FBXL17: variants seen among roughly 807,000 people sequenced by gnomAD.
FBXL17 encodes the protein F-box and leucine rich repeat protein 17, also known as F-box/LRR-repeat protein 17.
In FBXL17, 22 loss-of-function variants were observed where a neutral mutation model predicts 66.2. The observed-to-expected ratio is 0.33, with a 90% CI of 0.24 to 0.47. The LOEUF (loss-of-function observed/expected upper bound fraction) is 0.47. Among genes scored for constraint, FBXL17 ranks in the 20% least tolerant of loss-of-function variants. FBXL17 has a pLI of 1.00. For missense variants in FBXL17, 878 were observed against 948.2 expected (o/e 0.93, Z 0.97); for synonymous variants, 474 against 400.5 (o/e 1.18, Z -2.19).
intron 4 of FBXL17, among the ~76,000 whole-genome samples, chr5:108,301,594 A>C (rs972662583): frequency 1.3e-5 from 2 of 151,828 alleles, no homozygotes; most frequent in Non-Finnish European, 2.9e-5. Context: ...TTTAAATTGC[A>C]GTACCATAGG....
intron 7 of FBXL17, among the ~76,000 whole-genome samples, chr5:107,968,130 A>C (rs2112643068): frequency 6.6e-6 from 1 of 152,270 alleles, no homozygotes; most frequent in Non-Finnish European, 1.5e-5. Flanking sequence ...ATAGAGTAAC[A>C]AGGGCAACAG....
chr5:108,000,475 G>C (rs1255471983), intron 7 of FBXL17, among the ~76,000 whole-genome samples: 1 of 152,178 alleles, frequency 6.6e-6, no homozygotes, highest in East Asian at 1.9e-4. Context: ...GGAAAATCCA[G>C]TCTGTTCTTT....
chr5:108,242,934 A>G (rs879416826), intron 4 of FBXL17, among the ~76,000 whole-genome samples: 5 of 152,198 alleles, frequency 3.3e-5, no homozygotes, highest in Non-Finnish European at 7.4e-5. Context: ...AAATTTTACC[A>G]CAGCTTTATA....
At chr5:108,132,071 G>C (rs1750956958) in intron 6 of FBXL17, among the ~76,000 whole-genome samples, 1 of 151,714 alleles carries the variant, frequency 6.6e-6, no homozygotes, top group South Asian at 2.1e-4. Flanking sequence ...CCGCCTCCCA[G>C]GTTCAAGCGA....
chr5:107,997,815 C>G (rs1343756824), intron 7 of FBXL17, among the ~76,000 whole-genome samples: 1 of 152,184 alleles, frequency 6.6e-6, no homozygotes, highest in Non-Finnish European at 1.5e-5. Flanking sequence ...AATCAACACC[C>G]TGAGTCACTA....
At chr5:107,878,937 G>A in intron 8 of FBXL17, 10 of 985,450 alleles carry the variant, frequency 1.0e-5, no homozygotes, top group Non-Finnish European at 1.1e-5. Flanking sequence ...GTGGCTCTCT[G>A]GTTAGAGAAA....
Position 108,072,624 on chromosome 5 carries a change from C to T in FBXL17, c.1746-51623G>A, listed in dbSNP as rs564315277. ...TTGGGAGGTTGAGGCAGGAGAAGGGCGTGAACCCGGGAGGCGGAGCTTACA... is the reference window on the plus strand; with the variant it reads ...TTGGGAGGTTGAGGCAGGAGAAGGGTGTGAACCCGGGAGGCGGAGCTTACA... On this transcript the variant is annotated intron_variant, in intron 6 of 8. Transcript: ENST00000542267. 2.2e-4 allele frequency among the ~76,000 whole-genome samples: 33 copies of T among 152,260 alleles called. No individual in the cohort carries two copies. The South Asian group carries it at 3.7e-3, about 17-fold the overall frequency.
intron 8 of FBXL17, among the ~76,000 whole-genome samples, chr5:107,864,578 G>A (rs944575461): frequency 2.0e-5 from 3 of 152,104 alleles, no homozygotes; most frequent in African/African-American, 7.2e-5. Context: ...GGTTCATGGG[G>A]GTCTGCCCAT....
chr5:107,949,031 T>C (rs1356081412), intron 7 of FBXL17, among the ~76,000 whole-genome samples: 1 of 152,178 alleles, frequency 6.6e-6, no homozygotes, highest in African/African-American at 2.4e-5. Flanking sequence ...AGTAACTATA[T>C]GAAGTCTTGC....
chr5:108,095,765 CAG>C (rs1280056269), intron 6 of FBXL17, among the ~76,000 whole-genome samples: 3 of 152,058 alleles, frequency 2.0e-5, no homozygotes, highest in African/African-American at 4.8e-5. Flanking sequence ...GCATCATTCA[CAG>C]AGTTTTCAAC....
chr5:108,352,827 T>C (rs149266305), intron 3 of FBXL17, among the ~76,000 whole-genome samples: 100 of 151,460 alleles, frequency 6.6e-4, no homozygotes, highest in South Asian at 2.1e-3. Flanking sequence ...TTCTTCTAAA[T>C]AAAAAATTAT....
At chr5:107,890,005 C>A (rs909132509) in intron 7 of FBXL17, among the ~76,000 whole-genome samples, 1 of 151,996 alleles carries the variant, frequency 6.6e-6, no homozygotes, top group Non-Finnish European at 1.5e-5. Context: ...GTTAGGTTCC[C>A]CTGACAATCC....
chr5:108,118,307 A>G (rs1014428408), intron 6 of FBXL17, among the ~76,000 whole-genome samples: 1 of 152,134 alleles, frequency 6.6e-6, no homozygotes, highest in Non-Finnish European at 1.5e-5. Flanking sequence ...AATAACTTCA[A>G]ATTCAACATG....
At chr5:108,055,440 C>G (rs950549207) in intron 6 of FBXL17, among the ~76,000 whole-genome samples, 1 of 150,768 alleles carries the variant, frequency 6.6e-6, no homozygotes, top group African/African-American at 2.4e-5. Flanking sequence ...AACTCCGTCT[C>G]TACTAACAAA....
chr5:108,237,675 A>AG (rs1445064399), intron 4 of FBXL17, among the ~76,000 whole-genome samples: 1 of 152,170 alleles, frequency 6.6e-6, no homozygotes, highest in Non-Finnish European at 1.5e-5. Context: ...AAAGTCCAGC[A>AG]GGTATACACA....
At chr5:108,094,310 A>G (rs1749292219) in intron 6 of FBXL17, among the ~76,000 whole-genome samples, 1 of 152,128 alleles carries the variant, frequency 6.6e-6, no homozygotes, top group Non-Finnish European at 1.5e-5. Flanking sequence ...AAGGGACAAA[A>G]TTATGTATCT....
chr5:107,960,438 T>C (rs1276861823), intron 7 of FBXL17, among the ~76,000 whole-genome samples: 1 of 152,170 alleles, frequency 6.6e-6, no homozygotes, highest in African/African-American at 2.4e-5. Flanking sequence ...ACTTGTATCT[T>C]TGACCAACTC....
At chr5:108,216,995 T>C (rs7445325) in intron 5 of FBXL17, among the ~76,000 whole-genome samples, 1 of 152,308 alleles carries the variant, frequency 6.6e-6, no homozygotes, top group African/African-American at 2.4e-5. Context: ...ATGGGCACAG[T>C]GGGCTCCGGT....
chr5:107,896,137 T>A (rs1749374613), intron 7 of FBXL17, among the ~76,000 whole-genome samples: 1 of 152,180 alleles, frequency 6.6e-6, no homozygotes, highest in Admixed American at 6.5e-5. Flanking sequence ...TTGCTGGATG[T>A]GCCTTTCTGG....
Sources: gnomAD v4.1 joint callset for allele counts (sites outside exome capture counted in the v4.1 genomes callset) on GRCh38, gnomAD v4.1.1 for gene constraint, MANE v1.5 for transcripts, NCBI Gene and HGNC (gene_info 2026-07-23, HGNC 2026-07-21) for gene names.